Variants in NR6A1 observed in about 807,000 individuals in gnomAD.
The protein encoded by NR6A1 is nuclear receptor subfamily 6 group A member 1.
In NR6A1, 7 loss-of-function variants were observed where a neutral mutation model predicts 59.1. The ratio of observed to expected loss-of-function variants is 0.12; its 90% CI spans 0.07 to 0.22. The LOEUF (loss-of-function observed/expected upper bound fraction) is 0.22, where lower values mean the gene tolerates loss of function less well. Ranked by LOEUF, NR6A1 falls within the 10% of genes least tolerant of loss-of-function variation. The pLI is 1.00. For synonymous variants in NR6A1, 243 were observed against 236.1 expected (o/e 1.03, Z -0.27); for missense variants, 468 against 611.6 (o/e 0.77, Z 2.48).
At chr9:124,550,375 A>ATTTTTTTTTTTT (rs58594452) in intron 3 of NR6A1, among the ~76,000 whole-genome samples, 2 of 117,598 alleles carry the variant, frequency 1.7e-5, no homozygotes, top group African/African-American at 6.6e-5. Context: ...CTAATGGTGA[A>ATTTTTTTTTTTT]TTTTTTTTTT....
chr9:124,684,587 A>G (rs1039389309), intron 2 of NR6A1, among the ~76,000 whole-genome samples: 1 of 152,172 alleles, frequency 6.6e-6, no homozygotes, highest in Admixed American at 6.6e-5. Context: ...GATCTTTATT[A>G]AAATCATTCC....
intron 2 of NR6A1, among the ~76,000 whole-genome samples, chr9:124,659,207 C>T (rs191936112): frequency 2.0e-4 from 31 of 151,312 alleles, no homozygotes; most frequent in African/African-American, 7.5e-4. Flanking sequence ...GACAAAGGCA[C>T]GAGCCAAAAC....
chr9:124,589,262 C>T (rs1019782402), intron 2 of NR6A1, among the ~76,000 whole-genome samples: 49 of 151,914 alleles, frequency 3.2e-4, no homozygotes, highest in Admixed American at 1.5e-3. Context: ...CTGGCTAACA[C>T]GGTGAAACCC....
intron 2 of NR6A1, among the ~76,000 whole-genome samples, chr9:124,712,397 C>T (rs1381656058): frequency 6.6e-6 from 1 of 152,010 alleles, no homozygotes; most frequent in Non-Finnish European, 1.5e-5. Flanking sequence ...CCACTTGAGG[C>T]CAGGAGCTGG....
At chr9:124,687,291 A>T (rs78214394) in intron 2 of NR6A1, among the ~76,000 whole-genome samples, 1,538 of 142,156 alleles carry the variant, frequency 0.011, 8 homozygotes, top group East Asian at 0.037. Flanking sequence ...CAGCTAATTA[A>T]TTATTTATTT....
chr9:124,549,831 T>A (rs913455754), intron 3 of NR6A1, among the ~76,000 whole-genome samples: 9 of 152,202 alleles, frequency 5.9e-5, no homozygotes, highest in African/African-American at 2.2e-4. Flanking sequence ...CTTGGTACAA[T>A]ACTATTAACC....
intron 2 of NR6A1, among the ~76,000 whole-genome samples, chr9:124,575,300 G>A (rs1370998311): frequency 2.0e-5 from 3 of 152,310 alleles, no homozygotes; most frequent in Admixed American, 6.5e-5. Flanking sequence ...TTGGCCGGGC[G>A]CAGTGGCTCA....
chr9:124,564,681 C>CTGTGTGTGTGTGTG (rs56301413), intron 2 of NR6A1, among the ~76,000 whole-genome samples: 48 of 149,394 alleles, frequency 3.2e-4, no homozygotes, highest in African/African-American at 1.1e-3. Context: ...AATCCACACT[C>CTGTGTGTGTGTGTG]TGTGTGTGTG....
intron 2 of NR6A1, among the ~76,000 whole-genome samples, chr9:124,630,210 GTTTTTTT>G (rs71372979): frequency 3.1e-5 from 3 of 95,356 alleles, no homozygotes; most frequent in Admixed American, 1.4e-4. Flanking sequence ...CTCCAAATCA[GTTTTTTT>G]TTTTTTTTTT....
At chr9:124,717,432 G>A (rs2131086323) in intron 2 of NR6A1, among the ~76,000 whole-genome samples, 1 of 152,326 alleles carries the variant, frequency 6.6e-6, no homozygotes, top group Non-Finnish European at 1.5e-5. Flanking sequence ...ACATAGATGA[G>A]TCTCAAACAT....
chr9:124,763,091 C>T (rs10986416), intron 1 of NR6A1, among the ~76,000 whole-genome samples: 5,659 of 152,274 alleles, frequency 0.037, 336 homozygotes, highest in African/African-American at 0.13. Context: ...AACATAATCA[C>T]ACAAGCACTT....
At chr9:124,713,592 A>C (rs1839341427) in intron 2 of NR6A1, among the ~76,000 whole-genome samples, 1 of 152,210 alleles carries the variant, frequency 6.6e-6, no homozygotes, top group Non-Finnish European at 1.5e-5. Flanking sequence ...ACCTCAATAA[A>C]CATTTCTCCA....
chr9:124,730,897 G>A (rs1035199168), intron 2 of NR6A1, among the ~76,000 whole-genome samples: 1 of 152,104 alleles, frequency 6.6e-6, no homozygotes, highest in Non-Finnish European at 1.5e-5. Flanking sequence ...TAACATACAA[G>A]AACAAGAGCT....
intron 1 of NR6A1, among the ~76,000 whole-genome samples, chr9:124,742,658 C>T (rs190900763): frequency 0.019 from 2,886 of 152,224 alleles, 50 homozygotes; most frequent in South Asian, 0.078. Context: ...GGGCGGATCA[C>T]GAGGTCAGGA....
intron 2 of NR6A1, among the ~76,000 whole-genome samples, chr9:124,655,265 G>A (rs146747377): frequency 5.9e-5 from 9 of 152,234 alleles, no homozygotes; most frequent in African/African-American, 1.9e-4. Flanking sequence ...CTAACATAAT[G>A]GCTCTTGAGT....
At chr9:124,748,938 T>A (rs1840415621) in intron 1 of NR6A1, among the ~76,000 whole-genome samples, 2 of 151,048 alleles carry the variant, frequency 1.3e-5, no homozygotes, top group African/African-American at 4.9e-5. Context: ...CTCAAAACAG[T>A]ACCTAGCATA....
chr9:124,603,573 T>G (rs897108311), intron 2 of NR6A1, among the ~76,000 whole-genome samples: 1 of 152,180 alleles, frequency 6.6e-6, no homozygotes, highest in African/African-American at 2.4e-5. Flanking sequence ...GGTTCCTGCA[T>G]CAGTGTAGAA....
rs1427472419 is a variant in NR6A1 at position 124,645,821 on chromosome 9, C to T, written c.142+87487G>A. Among the ~76,000 whole-genome samples the T allele has an allele frequency of 3.9e-5, 6 of 152,276 alleles. No homozygotes were observed. The South Asian group carries it at 8.3e-4, about 21-fold the overall frequency. On this transcript the variant is annotated intron_variant, in intron 2 of 9. Transcript: ENST00000487099. ...TCCAATTCAATAGCAGCAGATTTCA[C>T]ATTCTTCTCAAGTTGACATGAAACA...
At chr9:124,626,945 A>T (rs1244254703) in intron 2 of NR6A1, among the ~76,000 whole-genome samples, 1 of 152,192 alleles carries the variant, frequency 6.6e-6, no homozygotes, top group Non-Finnish European at 1.5e-5. Flanking sequence ...AATAATAAAA[A>T]TAATGGAGCT....
Sources: gnomAD v4.1 joint callset for allele counts (sites outside exome capture counted in the v4.1 genomes callset) on GRCh38, gnomAD v4.1.1 for gene constraint, MANE v1.5 for transcripts, NCBI Gene and HGNC (gene_info 2026-07-23, HGNC 2026-07-21) for gene names.